BRD8: variants seen among roughly 807,000 people sequenced by gnomAD.
BRD8 encodes the protein bromodomain containing 8, also known as bromodomain-containing protein 8.
BRD8 carries 67 observed loss-of-function variants against 143.1 expected under a neutral mutation model. The observed-to-expected ratio is 0.47, with a 90% CI of 0.38 to 0.57. The LOEUF is 0.57. Ranked by LOEUF, BRD8 falls within the 20% of genes least tolerant of loss-of-function variation. BRD8 has a pLI of 0.00. For synonymous variants in BRD8, 505 were observed against 517.1 expected (o/e 0.98, Z 0.32); for missense variants, 1,103 against 1,503.0 (o/e 0.73, Z 4.40).
At chr5:138,174,148 G>A (rs566356781) in intron 2 of BRD8, among the ~76,000 whole-genome samples, 99 of 139,486 alleles carry the variant, frequency 7.1e-4, no homozygotes, top group Middle Eastern at 3.6e-3. Context: ...TGGCTCAACA[G>A]TATTCCATTG....
Position 138,169,228 on chromosome 5 carries a change from G to A in BRD8, c.636C>T (p.Thr212=). Residue 212 remains threonine, a synonymous_variant, in exon 8 of 27, where the codon ACC becomes ACT. Transcript: ENST00000254900. ...DLTPTTMEEA[T]SGVNESEMAV... Reference sequence around the variant, plus strand: ...CAGATGGAAATATACTCACCCCAGAGGTAGCCTCTTCCATAGTGGTTGGAG... The same window carrying A: ...CAGATGGAAATATACTCACCCCAGAAGTAGCCTCTTCCATAGTGGTTGGAG... The A allele has an allele frequency of 6.2e-7, 1 of 1,613,752 alleles. No individual in the cohort carries two copies.
At chr5:138,160,368 C>CT (rs1248075925) in intron 18 of BRD8, among the ~76,000 whole-genome samples, 195 bp from the exon 19 acceptor site, 2 of 151,966 alleles carry the variant, frequency 1.3e-5, no homozygotes, top group Non-Finnish European at 2.9e-5. Context: ...GCAGCCCTAA[C>CT]TTTTTTTTGC....
chr5:138,157,085 T>C (rs565505936), intron 20 of BRD8: 4 of 1,550,098 alleles, frequency 2.6e-6, no homozygotes, highest in South Asian at 1.2e-5. Flanking sequence ...TTCCAGCTCA[T>C]GTCGTGTGGC....
chr5:138,142,353 C>G (rs1489576635), intron 25 of BRD8, among the ~76,000 whole-genome samples: 1 of 152,108 alleles, frequency 6.6e-6, no homozygotes, highest in Non-Finnish European at 1.5e-5. Flanking sequence ...AATTATCCAG[C>G]CTGTGGTATT....
At chr5:138,173,972 C>T (rs1276236324) in intron 2 of BRD8, among the ~76,000 whole-genome samples, 2 of 152,194 alleles carry the variant, frequency 1.3e-5, no homozygotes, top group African/African-American at 4.8e-5. Flanking sequence ...CCATTGCACC[C>T]AGCCCCATTC....
intron 6 of BRD8, 43 bp downstream of exon 6, chr5:138,170,789 G>C (rs374469981): frequency 9.1e-6 from 14 of 1,538,746 alleles, no homozygotes; most frequent in Non-Finnish European, 1.2e-5. Flanking sequence ...GGAAAAGAGG[G>C]TAAAAAGAAA....
At position 138,148,690 on chromosome 5, in the gene BRD8, AT is replaced by A. The variant is rs956513259; in HGVS notation, c.3278+949del. 5.3e-5 allele frequency among the ~76,000 whole-genome samples: 8 copies of A among 152,040 alleles called. No homozygotes were observed. The East Asian group carries it at 1.5e-3, about 29-fold the overall frequency. On this transcript the variant is annotated intron_variant, in intron 23 of 26. Coordinates refer to ENST00000254900, the MANE Select transcript of BRD8 (RefSeq NM_139199.2). ...GGCCTAATTTTTTCTTTAAAAAAAA[AT>A]TTTTTTATCCTCTTCCTTGTCTCCA...
chr5:138,165,023 A>G lies in BRD8; in HGVS notation c.1422T>C (p.Pro474=). 1 of 1,614,156 alleles carries G rather than the reference A, an allele frequency of 6.2e-7. No individual in the cohort carries two copies. The highest frequency in any genetic ancestry group is 2.2e-5 in the East Asian group (1 of 44,886). ...CTTGCTTGACCGTCATTTCTGGTGC[A>G]GGGAGAGGTACTGGCTTGTCCCGCT... ...QQERDKPVPL[P]APEMTVKQER... Residue 474 remains proline (P), a synonymous_variant, in exon 12 of 27, where the codon CCT becomes CCC. Transcript: ENST00000254900.
chr5:138,170,798 A>T (rs1753802422), intron 6 of BRD8, 34 bp downstream of exon 6: 1 of 1,568,476 alleles, frequency 6.4e-7, no homozygotes, highest in African/African-American at 1.3e-5. Flanking sequence ...GGTAAAAAGA[A>T]AGAAGCACAG....
intron 8 of BRD8, 38 bp from the exon 9 acceptor site, chr5:138,168,116 C>A (rs767950175): frequency 2.0e-6 from 3 of 1,502,876 alleles, no homozygotes; most frequent in Non-Finnish European, 1.8e-6. Context: ...TACACTCAAG[C>A]TTTCCTTCAC....
chr5:138,161,580 G>T lies in BRD8; in HGVS notation c.2249+216C>A, dbSNP rs139572977. Among the ~76,000 whole-genome samples the T allele has an allele frequency of 2.3e-3, 343 of 152,294 alleles. 10 individuals carry two copies. In the East Asian group the frequency reaches 0.053, roughly 24 times the overall value. ...ATTCACCCACCTCAGCACCCCCAAA[G>T]ATTACAGGCGTGAGCCACCGCTCCT... On this transcript the variant is annotated intron_variant, in intron 17 of 26. Transcript: ENST00000254900.
intron 25 of BRD8, among the ~76,000 whole-genome samples, chr5:138,144,930 T>C (rs1401100288): frequency 7.0e-6 from 1 of 143,792 alleles, no homozygotes; most frequent in Non-Finnish European, 1.5e-5. Context: ...TATATATATA[T>C]ATAGAATGGA....
In BRD8 at chr5:138,167,935, T is replaced by A; in HGVS notation, c.786A>T (p.Ser262=). The A allele has an allele frequency of 6.2e-7, 1 of 1,613,792 alleles. No individual in the cohort carries two copies. Residue 262 remains serine, a splice_region_variant and synonymous_variant, in exon 9 of 27, where the codon TCA becomes TCT. Coordinates refer to ENST00000254900, the MANE Select transcript of BRD8 (RefSeq NM_139199.2). ...GATAAAGGAAAAGTGGTAACTTACC[T>A]GATGCAGCAGGGGAGGCTGCAACAG... ...PNTVAASPAA[S]GAPTLSRLLE...
chr5:138,171,435 A>G (rs1238998012), intron 3 of BRD8, 25 bp from the exon 4 acceptor site: 9 of 1,457,222 alleles, frequency 6.2e-6, no homozygotes, highest in Non-Finnish European at 8.6e-6. Context: ...AAAAAAAGTG[A>G]AAATGTGATG....
At chr5:138,173,692 C>T (rs929700201) in intron 2 of BRD8, among the ~76,000 whole-genome samples, 7 of 152,118 alleles carry the variant, frequency 4.6e-5, no homozygotes. Context: ...GCAGCCCCAC[C>T]CAAGTAGCTG....
At chr5:138,169,419 T>C (rs1217434891) in intron 7 of BRD8, 61 bp from the exon 8 acceptor site, 1 of 1,563,842 alleles carries the variant, frequency 6.4e-7, no homozygotes, top group Non-Finnish European at 8.7e-7. Context: ...AACTTGACAC[T>C]AGTCTGCTAT....
chr5:138,149,020 G>T (rs1003775715), intron 23 of BRD8, among the ~76,000 whole-genome samples: 1 of 151,704 alleles, frequency 6.6e-6, no homozygotes, highest in Non-Finnish European at 1.5e-5. Flanking sequence ...AGTCATGATC[G>T]TGCCCATTGC....
chr5:138,165,849 G>A lies in BRD8; in HGVS notation c.1257C>T (p.Ile419=). 6 of 1,613,654 alleles carry A rather than the reference G, an allele frequency of 3.7e-6. No individual in the cohort carries two copies. Among genetic ancestry groups the A allele is most frequent in the Non-Finnish European group, 5.1e-6 (6 of 1,179,758 alleles). Residue 419 remains isoleucine (I), a synonymous_variant, in exon 11 of 27, where the codon ATC becomes ATT. Coordinates refer to ENST00000254900, the MANE Select transcript of BRD8 (RefSeq NM_139199.2). The part of the protein sequence containing the change: ...EELDFETVGD[I]IAIIEDKVDD... ...TTACCTTGTCCTCAATGATGGCAATGATGTCTCCAACAGTCTCAAAATCCA... is the reference window on the plus strand; with the variant it reads ...TTACCTTGTCCTCAATGATGGCAATAATGTCTCCAACAGTCTCAAAATCCA...
Position 138,165,119 on chromosome 5 carries a change from T to C in BRD8, c.1326A>G (p.Ala442=), listed in dbSNP as rs763665841. The stretch of plus-strand genomic sequence containing the variant: ...CATCATTTTCTTCACAAAATGACAG[T>C]GCTGCTTCCACTGCTGCCACATCCA... The part of the protein sequence containing the change: ...EVLDVAAVEA[A]LSFCEENDDP... Residue 442 remains alanine (A), a synonymous_variant, in exon 12 of 27, where the codon GCA becomes GCG. Coordinates refer to ENST00000254900, the MANE Select transcript of BRD8 (RefSeq NM_139199.2). 6.2e-7 allele frequency: 1 copy of C among 1,614,120 alleles called. No individual in the cohort carries two copies. Among genetic ancestry groups the C allele is most frequent in the South Asian group, 1.1e-5 (1 of 91,084 alleles).
Sources: allele counts gnomAD v4.1 joint callset (sites outside exome capture counted in the v4.1 genomes callset), GRCh38; gene constraint gnomAD v4.1.1; transcripts MANE v1.5; gene names NCBI Gene and HGNC (gene_info 2026-07-23, HGNC 2026-07-21).